Variants in TTC17 observed in about 807,000 individuals in gnomAD.
TTC17 encodes the protein tetratricopeptide repeat protein 17.
In TTC17, 58 loss-of-function variants were observed where a neutral mutation model predicts 143.8. The ratio of observed to expected loss-of-function variants is 0.40; its 90% CI spans 0.33 to 0.50. The LOEUF is 0.50. TTC17 is among the 20% of genes least tolerant of loss of function. The pLI is 0.49. For synonymous variants in TTC17, 501 were observed against 497.8 expected, an observed-to-expected ratio of 1.01 and a Z score of -0.09; for missense variants, 1,273 against 1,392.5, an observed-to-expected ratio of 0.91 and a Z score of 1.37.
intron 21 of TTC17, among the ~76,000 whole-genome samples, chr11:43,482,797 C>A (rs1323374594): frequency 1.2e-4 from 18 of 151,920 alleles, no homozygotes; most frequent in African/African-American, 4.4e-4. Flanking sequence ...TATGAATTTG[C>A]TTGTATCTTA....
At chr11:43,438,172 T>A (rs1565166344) in intron 16 of TTC17, among the ~76,000 whole-genome samples, 1 of 152,214 alleles carries the variant, frequency 6.6e-6, no homozygotes, top group Non-Finnish European at 1.5e-5. Flanking sequence ...GGTGGTAATC[T>A]TTTTTTGAGG....
intron 16 of TTC17, among the ~76,000 whole-genome samples, chr11:43,427,285 G>GC (rs1947050842): frequency 6.6e-6 from 1 of 152,132 alleles, no homozygotes. Flanking sequence ...GGAAATCTAA[G>GC]CCCCCTCCGA....
chr11:43,461,390 CAAA>C (rs750240102), intron 21 of TTC17, among the ~76,000 whole-genome samples: 1 of 36,034 alleles, frequency 2.8e-5, no homozygotes, highest in Admixed American at 3.5e-4. Context: ...AACTCCGTCT[CAAA>C]AAAAAAAAAA....
At position 43,405,641 on chromosome 11, in the gene TTC17, T is replaced by C. The variant is rs1858085763; in HGVS notation, c.1595+12T>C. ...AACAAAGGACTCAGGCAAGTGGTGA[T>C]GGATTTGGCAAAGCACCTGATTCTG... On this transcript the variant is annotated intron_variant, in intron 12 of 23. Coordinates refer to ENST00000039989, the MANE Select transcript of TTC17 (RefSeq NM_018259.6). The C allele has an allele frequency of 5.0e-6, 8 of 1,613,654 alleles. No individual in the cohort carries two copies. The highest frequency in any genetic ancestry group is 1.3e-5 in the African/African-American group (1 of 75,040).
At chr11:43,429,451 G>T (rs992515200) in intron 16 of TTC17, among the ~76,000 whole-genome samples, 1 of 152,168 alleles carries the variant, frequency 6.6e-6, no homozygotes, top group Non-Finnish European at 1.5e-5. Flanking sequence ...CTGTTACTCT[G>T]TGTGGTGCCA....
intron 2 of TTC17, among the ~76,000 whole-genome samples, chr11:43,383,232 G>A (rs76900463): frequency 0.021 from 3,215 of 152,208 alleles, 66 homozygotes; most frequent in East Asian, 0.11. Flanking sequence ...AAGGGAGTGG[G>A]GGAGAGAGAG....
At chr11:43,472,973 G>A (rs978870613) in intron 21 of TTC17, among the ~76,000 whole-genome samples, 24 of 151,828 alleles carry the variant, frequency 1.6e-4, no homozygotes, top group African/African-American at 5.1e-4. Flanking sequence ...TCAGGAGATC[G>A]AGACCAGCCT....
chr11:43,398,186 C>T, intron 8 of TTC17, 73 bp downstream of exon 8: 9 of 1,555,142 alleles, frequency 5.8e-6, no homozygotes, highest in Non-Finnish European at 7.0e-6. Flanking sequence ...TAGGGGATAT[C>T]AGTGTTAATT....
rs778135879 is a variant in TTC17 at position 43,450,252 on chromosome 11, G to A, written c.2946+11G>A. On this transcript the variant is annotated intron_variant, in intron 20 of 23. Coordinates refer to ENST00000039989, the MANE Select transcript of TTC17 (RefSeq NM_018259.6). ...AGTCAGTTAACAGAGGTGAGTGCTC[G>A]GCTTTGTTCAGGCTGTTTTTTAGCC... 21 of 1,607,534 alleles carry A rather than the reference G, an allele frequency of 1.3e-5. No individual in the cohort carries two copies. The highest frequency in any genetic ancestry group is 2.2e-5 in the South Asian group (2 of 90,258).
At position 43,447,883 on chromosome 11, in the gene TTC17, A is replaced by G. The variant is rs754846066; in HGVS notation, c.2666-119A>G. 4.9e-5 allele frequency: 62 copies of G among 1,265,268 alleles called. 1 individual carries two copies. The highest frequency in any genetic ancestry group is 8.8e-5 in the South Asian group (6 of 68,198). 78.4% of individuals were successfully genotyped at this position (1,265,268 alleles called of 1,614,324 possible). On this transcript the variant is annotated intron_variant, in intron 18 of 23. Coordinates refer to ENST00000039989, the MANE Select transcript of TTC17 (RefSeq NM_018259.6). The stretch of plus-strand genomic sequence containing the variant: ...ATAGATGGGGGAAATGTTAAAGACT[A>G]CAGGAATGACTAGCACCTCCAAATA...
intron 16 of TTC17, among the ~76,000 whole-genome samples, chr11:43,434,168 G>GACACACACACAC (rs55913890): frequency 1.0e-4 from 13 of 125,560 alleles, no homozygotes; most frequent in African/African-American, 3.7e-4. Context: ...CATGGGCGGG[G>GACACACACACAC]ACACACACAC....
At chr11:43,383,886 G>A (rs939691078) in intron 2 of TTC17, among the ~76,000 whole-genome samples, 33 of 152,048 alleles carry the variant, frequency 2.2e-4, no homozygotes, top group Admixed American at 1.2e-3. Flanking sequence ...AGACATGCAG[G>A]CCAGGTGTGG....
intron 21 of TTC17, among the ~76,000 whole-genome samples, chr11:43,485,128 A>G (rs1052503440): frequency 6.6e-6 from 1 of 152,134 alleles, no homozygotes; most frequent in African/African-American, 2.4e-5. Flanking sequence ...AATGCACTCG[A>G]ATCATCCCAA....
At chr11:43,474,830 T>A (rs1297207866) in intron 21 of TTC17, among the ~76,000 whole-genome samples, 1 of 150,522 alleles carries the variant, frequency 6.6e-6, no homozygotes, top group Non-Finnish European at 1.5e-5. Context: ...ATTCTTATAA[T>A]CTATAGAAAA....
intron 21 of TTC17, among the ~76,000 whole-genome samples, chr11:43,455,468 T>C (rs1384596644): frequency 6.6e-6 from 1 of 151,954 alleles, no homozygotes; most frequent in African/African-American, 2.4e-5. Context: ...TTAGCTAACC[T>C]AATAAAGGAA....
intron 16 of TTC17, among the ~76,000 whole-genome samples, chr11:43,416,204 G>A (rs776802876): frequency 2.0e-5 from 3 of 151,762 alleles, no homozygotes; most frequent in African/African-American, 7.3e-5. Flanking sequence ...GCATCTTCTC[G>A]CAACACTGTG....
intron 21 of TTC17, among the ~76,000 whole-genome samples, chr11:43,454,928 C>T (rs1947734609): frequency 1.3e-5 from 2 of 151,852 alleles, no homozygotes; most frequent in Non-Finnish European, 2.9e-5. Flanking sequence ...TAAGGTAGAT[C>T]TTATTAGATA....
At chr11:43,470,852 C>G (rs757235574) in intron 21 of TTC17, among the ~76,000 whole-genome samples, 1 of 152,164 alleles carries the variant, frequency 6.6e-6, no homozygotes, top group African/African-American at 2.4e-5. Flanking sequence ...GAGGACCCCA[C>G]GTTAAAACCA....
chr11:43,422,327 A>G (rs1334864448), intron 16 of TTC17, among the ~76,000 whole-genome samples: 1 of 152,150 alleles, frequency 6.6e-6, no homozygotes, highest in African/African-American at 2.4e-5. Flanking sequence ...GTTAAATTTG[A>G]GTTGCCTATT....
Sources: allele counts gnomAD v4.1 joint callset (sites outside exome capture counted in the v4.1 genomes callset), GRCh38; gene constraint gnomAD v4.1.1; transcripts MANE v1.5; gene names NCBI Gene and HGNC (gene_info 2026-07-23, HGNC 2026-07-21).